SHISA6: variants seen among roughly 807,000 people sequenced by gnomAD.
SHISA6 encodes the protein shisa family member 6, also known as protein shisa-6.
Under a neutral mutation model 47.9 loss-of-function variants are expected in SHISA6, and 22 were observed. The ratio of observed to expected loss-of-function variants is 0.46; its 90% CI spans 0.33 to 0.66. The LOEUF (loss-of-function observed/expected upper bound fraction) is 0.66, where lower values mean the gene tolerates loss of function less well. Among genes scored for constraint, SHISA6 ranks in the 30% least tolerant of loss-of-function variants. The probability of loss-of-function intolerance (pLI) is 0.02; values close to 1 mark genes in which losing one functional copy is unlikely to be tolerated. For synonymous variants in SHISA6, 388 were observed against 337.8 expected (o/e 1.15, Z -1.63); for missense variants, 680 against 764.6 (o/e 0.89, Z 1.30).
intron 3 of SHISA6, among the ~76,000 whole-genome samples, chr17:11,449,573 G>T (rs1915329720): frequency 6.6e-6 from 1 of 152,230 alleles, no homozygotes; most frequent in Admixed American, 6.5e-5. Context: ...CCAGGTGAAT[G>T]AAGACAGGAC....
At chr17:11,244,161 G>A (rs925398612) in intron 1 of SHISA6, among the ~76,000 whole-genome samples, 1 of 152,182 alleles carries the variant, frequency 6.6e-6, no homozygotes, top group Non-Finnish European at 1.5e-5. Context: ...CACGGGAAGG[G>A]AGATGAATTT....
At chr17:11,382,985 T>C (rs1460665745) in intron 3 of SHISA6, among the ~76,000 whole-genome samples, 1 of 126,182 alleles carries the variant, frequency 7.9e-6, no homozygotes, top group African/African-American at 3.0e-5. Flanking sequence ...CACCTAAGGC[T>C]GGAGTGCAGT....
chr17:11,366,881 G>A (rs1222312396), intron 2 of SHISA6, among the ~76,000 whole-genome samples: 2 of 152,204 alleles, frequency 1.3e-5, no homozygotes, highest in Non-Finnish European at 2.9e-5. Context: ...TAAAAGATAT[G>A]TTGAAGTCCG....
intron 2 of SHISA6, among the ~76,000 whole-genome samples, chr17:11,296,266 C>T (rs557344618): frequency 2.2e-4 from 33 of 152,194 alleles, no homozygotes; most frequent in Middle Eastern, 3.4e-3. Flanking sequence ...GGAGAATGGG[C>T]TGAGGGGCAC....
At chr17:11,412,602 C>T (rs186188129) in intron 3 of SHISA6, among the ~76,000 whole-genome samples, 43 of 151,652 alleles carry the variant, frequency 2.8e-4, no homozygotes, top group African/African-American at 8.7e-4. Context: ...AGTGCAGTGG[C>T]GCGATCTTGG....
intron 2 of SHISA6, among the ~76,000 whole-genome samples, chr17:11,328,567 G>A (rs1303141526): frequency 6.6e-6 from 1 of 152,162 alleles, no homozygotes; most frequent in African/African-American, 2.4e-5. Context: ...TGGTATGTAG[G>A]AAACACTCAA....
chr17:11,454,653 A>G (rs1243303530), intron 3 of SHISA6, among the ~76,000 whole-genome samples: 2 of 152,216 alleles, frequency 1.3e-5, no homozygotes, highest in East Asian at 3.8e-4. Flanking sequence ...TCTGTGCTCC[A>G]GGCGTGTGGC....
chr17:11,328,867 G>A (rs1485339902), intron 2 of SHISA6, among the ~76,000 whole-genome samples: 1 of 152,198 alleles, frequency 6.6e-6, no homozygotes, highest in African/African-American at 2.4e-5. Flanking sequence ...TTTTCAATAA[G>A]GAGCTGAATG....
chr17:11,267,755 C>G (rs1187767366), intron 2 of SHISA6, among the ~76,000 whole-genome samples: 3 of 152,140 alleles, frequency 2.0e-5, no homozygotes, highest in Non-Finnish European at 4.4e-5. Context: ...GTAACCAGTC[C>G]TCTCCTTAAT....
At chr17:11,489,869 C>A in intron 3 of SHISA6, among the ~76,000 whole-genome samples, 1 of 152,326 alleles carries the variant, frequency 6.6e-6, no homozygotes, top group East Asian at 1.9e-4. Context: ...CAATTCCCCC[C>A]TTCCCCAACC....
chr17:11,350,185 T>TATTTATTTATTTATTTA (rs770023770), intron 2 of SHISA6, among the ~76,000 whole-genome samples: 37 of 118,478 alleles, frequency 3.1e-4, no homozygotes, highest in East Asian at 2.6e-3. Context: ...TTTATTTATT[T>TATTTATTTATTTATTTA]TTTTTTTTTT....
At chr17:11,450,078 A>G (rs200620736) in intron 3 of SHISA6, among the ~76,000 whole-genome samples, 3 of 151,884 alleles carry the variant, frequency 2.0e-5, no homozygotes, top group Admixed American at 2.0e-4. Flanking sequence ...GTAGAGACGG[A>G]GTTTCACCAT....
At chr17:11,274,951 G>A (rs4792115) in intron 2 of SHISA6, among the ~76,000 whole-genome samples, 1 of 151,750 alleles carries the variant, frequency 6.6e-6, no homozygotes, top group Non-Finnish European at 1.5e-5. Context: ...GATGGAAAAC[G>A]GGGGTCCACA....
chr17:11,425,549 AATTCCTTT>A (rs1199337862), intron 3 of SHISA6, among the ~76,000 whole-genome samples: 1 of 152,198 alleles, frequency 6.6e-6, no homozygotes. Flanking sequence ...ACTAATAAAG[AATTCCTTT>A]GGCTTCAAGT....
At chr17:11,258,962 TGAATGGAG>T (rs1436921267) in intron 1 of SHISA6, among the ~76,000 whole-genome samples, 1 of 151,912 alleles carries the variant, frequency 6.6e-6, no homozygotes, top group Admixed American at 6.6e-5. Flanking sequence ...GGTGGAGGGA[TGAATGGAG>T]GAATGGATGA....
intron 3 of SHISA6, among the ~76,000 whole-genome samples, chr17:11,423,982 A>G (rs187872173): frequency 3.9e-5 from 6 of 152,348 alleles, no homozygotes; most frequent in Admixed American, 2.6e-4. Context: ...GTCAGAAAAT[A>G]TATGTGAGGA....
At chr17:11,548,440 C>CAT (rs10578711) in intron 3 of SHISA6, among the ~76,000 whole-genome samples, 55,759 of 148,380 alleles carry the variant, frequency 0.38, 10,485 homozygotes, top group East Asian at 0.55. Flanking sequence ...ATGCATATTT[C>CAT]ATATATATAT....
intron 3 of SHISA6, among the ~76,000 whole-genome samples, chr17:11,392,384 C>T (rs2142256722): frequency 6.6e-6 from 1 of 152,268 alleles, no homozygotes. Flanking sequence ...GGGGTGTTGG[C>T]TCTTGGGGGA....
At chr17:11,534,157 CTTTTT>C (rs373384700) in intron 3 of SHISA6, among the ~76,000 whole-genome samples, 19 of 93,218 alleles carry the variant, frequency 2.0e-4, no homozygotes, top group Admixed American at 2.5e-4. Context: ...TCTTTTTTTT[CTTTTT>C]TTTTTTTTTT....
Sources: allele counts gnomAD v4.1 joint callset (sites outside exome capture counted in the v4.1 genomes callset), GRCh38; gene constraint gnomAD v4.1.1; transcripts MANE v1.5; gene names NCBI Gene and HGNC (gene_info 2026-07-23, HGNC 2026-07-21).